Variants in ADAM17 observed in about 807,000 individuals in gnomAD.
ADAM17 encodes ADAM metallopeptidase domain 17.
Under a neutral mutation model 96.7 loss-of-function variants are expected in ADAM17, and 39 were observed. The observed-to-expected ratio is 0.40, with a 90% confidence interval of 0.31 to 0.53. ADAM17 has a LOEUF of 0.53. ADAM17 is among the 20% of genes least tolerant of loss of function. ADAM17 has a pLI of 0.44. For synonymous variants in ADAM17, 344 were observed against 359.2 expected (o/e 0.96, Z 0.48); for missense variants, 777 against 1,013.2 (o/e 0.77, Z 3.17).
chr2:9,531,050 C>T (rs1664718142), intron 4 of ADAM17, among the ~76,000 whole-genome samples: 1 of 152,106 alleles, frequency 6.6e-6, no homozygotes, highest in African/African-American at 2.4e-5. Flanking sequence ...CTCTGTCTCC[C>T]AGGTTCAAGC....
At chr2:9,501,455 T>C (rs546214344) in intron 13 of ADAM17, among the ~76,000 whole-genome samples, 56 of 152,268 alleles carry the variant, frequency 3.7e-4, no homozygotes, top group African/African-American at 1.3e-3. Context: ...CACAGGTTCC[T>C]GAAGGGACGT....
chr2:9,505,475 G>C (rs750015057), intron 11 of ADAM17, 110 bp from the exon 12 acceptor site: 15 of 1,146,966 alleles, frequency 1.3e-5, no homozygotes, highest in Non-Finnish European at 7.5e-6. Context: ...ACCACCATCA[G>C]AGCCACCCTG....
Position 9,488,594 on chromosome 2 carries a change from TCA to T in ADAM17, c.*1581_*1582del. On this transcript the variant is annotated 3_prime_UTR_variant, in exon 19 of 19. Transcript: ENST00000310823. ...TGACAAAGACTATGTTTTTAAAAAG[TCA>T]CAATTTTATAAAAATGGTTTTTCTT... 1 of 289,370 alleles carries T rather than the reference TCA, an allele frequency of 3.5e-6. No individual in the cohort carries two copies. Among genetic ancestry groups the T allele is most frequent in the African/African-American group, 2.2e-5 (1 of 46,138 alleles). 17.9% of individuals were successfully genotyped at this position (289,370 alleles called of 1,614,324 possible). A position where few individuals can be genotyped will look rare whatever the true frequency, so the allele number is the denominator to read the frequency against.
chr2:9,499,266 TTG>T (rs1380846618), intron 13 of ADAM17, among the ~76,000 whole-genome samples: 5 of 152,288 alleles, frequency 3.3e-5, no homozygotes, highest in Admixed American at 3.3e-4. Context: ...CGTTTTCAAA[TTG>T]TTTTACTTAC....
intron 13 of ADAM17, among the ~76,000 whole-genome samples, chr2:9,501,617 A>G (rs1663010818): frequency 1.3e-5 from 2 of 152,224 alleles, no homozygotes; most frequent in South Asian, 2.1e-4. Flanking sequence ...ATAGATACAT[A>G]TAGAAAAACT....
intron 6 of ADAM17, 37 bp downstream of exon 6, chr2:9,526,074 T>C (rs1334913406): frequency 4.5e-6 from 7 of 1,559,828 alleles, no homozygotes; most frequent in Admixed American, 1.9e-5. Context: ...CACCCAAATT[T>C]TTTTTTCAAT....
rs960956024 is a variant in ADAM17 at position 9,535,716 on chromosome 2, A to T, written c.450+118T>A. 7 of 564,548 alleles carry T rather than the reference A, an allele frequency of 1.2e-5. No homozygotes were observed. The African/African-American group carries it at 1.4e-4, about 11-fold the overall frequency. 35.0% of individuals were successfully genotyped at this position (564,548 alleles called of 1,614,324 possible). A position where few individuals can be genotyped will look rare whatever the true frequency, so the allele number is the denominator to read the frequency against. On this transcript the variant is annotated intron_variant, in intron 4 of 18. Coordinates refer to ENST00000310823, the MANE Select transcript of ADAM17 (RefSeq NM_003183.6). ...AAAAAGTCTACTTTCCTAGTAAAAA[A>T]CTTCAAATACGAAGAGGAAAGAAAT...
At chr2:9,503,107 T>C (rs1235437351) in intron 12 of ADAM17, among the ~76,000 whole-genome samples, 1 of 130,458 alleles carries the variant, frequency 7.7e-6, no homozygotes, top group Admixed American at 8.8e-5. Flanking sequence ...GCCACTGCAC[T>C]CCAGCCTGGT....
At chr2:9,524,541 C>T (rs1331639565) in intron 6 of ADAM17, among the ~76,000 whole-genome samples, 2 of 152,080 alleles carry the variant, frequency 1.3e-5, no homozygotes, top group Admixed American at 6.6e-5. Flanking sequence ...TGCTTCTAAC[C>T]ACACCCCCGC....
intron 2 of ADAM17, among the ~76,000 whole-genome samples, chr2:9,541,825 G>A (rs760977131): frequency 1.3e-5 from 2 of 150,476 alleles, no homozygotes; most frequent in Non-Finnish European, 3.0e-5. Context: ...GATCACTTGA[G>A]GTGAGGAGTT....
chr2:9,495,408 A>C (rs531376000), intron 14 of ADAM17, among the ~76,000 whole-genome samples: 1 of 152,368 alleles, frequency 6.6e-6, no homozygotes, highest in Admixed American at 6.5e-5. Context: ...AAAAACAAGC[A>C]AAAAGAAAAC....
intron 2 of ADAM17, among the ~76,000 whole-genome samples, chr2:9,540,908 A>G (rs1665181211): frequency 6.6e-6 from 1 of 152,248 alleles, no homozygotes; most frequent in Non-Finnish European, 1.5e-5. Context: ...CAAAGATAAC[A>G]GGAAACAGGT....
At chr2:9,540,936 C>T (rs1665182363) in intron 2 of ADAM17, among the ~76,000 whole-genome samples, 1 of 152,146 alleles carries the variant, frequency 6.6e-6, no homozygotes, top group South Asian at 2.1e-4. Flanking sequence ...TATATTGCTG[C>T]TGGAAGAATA....
chr2:9,506,339 T>C (rs1386148170), intron 11 of ADAM17, among the ~76,000 whole-genome samples: 2 of 148,816 alleles, frequency 1.3e-5, no homozygotes, highest in African/African-American at 5.0e-5. Context: ...ACTGGCTTTT[T>C]AAAAAACATC....
chr2:9,544,808 G>A (rs1342889157), intron 1 of ADAM17, among the ~76,000 whole-genome samples: 3 of 151,918 alleles, frequency 2.0e-5, no homozygotes. Context: ...CCTGGCGACA[G>A]AGCAAGACTC....
At chr2:9,541,809 A>G (rs1257464066) in intron 2 of ADAM17, among the ~76,000 whole-genome samples, 1 of 151,864 alleles carries the variant, frequency 6.6e-6, no homozygotes, top group Non-Finnish European at 1.5e-5. Flanking sequence ...GGAGGCCGAG[A>G]TCGTGGATCA....
rs745623517 is a variant in ADAM17 at position 9,526,261 on chromosome 2, T to C, written c.620-17A>G. On this transcript the variant is annotated splice_polypyrimidine_tract_variant and intron_variant, in intron 5 of 18. Coordinates refer to ENST00000310823, the MANE Select transcript of ADAM17 (RefSeq NM_003183.6). ...GAACAAGCTCTAATATGAATTTGTATGCACTATTAAATCAAAATTCACCAA... is the reference window on the plus strand; with the variant it reads ...GAACAAGCTCTAATATGAATTTGTACGCACTATTAAATCAAAATTCACCAA... The C allele has an allele frequency of 1.9e-6, 3 of 1,607,498 alleles. No individual in the cohort carries two copies. The highest frequency in any genetic ancestry group is 1.1e-5 in the South Asian group (1 of 89,458).
At chr2:9,512,289 TTTTG>T (rs1663788987) in intron 10 of ADAM17, 1 of 152,084 alleles carries the variant, frequency 6.6e-6, no homozygotes, top group Admixed American at 6.6e-5. Flanking sequence ...TCAAATCAAA[TTTTG>T]TTTTTTTGCT....
At chr2:9,512,744 T>C (rs1248578798) in intron 10 of ADAM17, among the ~76,000 whole-genome samples, 1 of 152,152 alleles carries the variant, frequency 6.6e-6, no homozygotes, top group African/African-American at 2.4e-5. Context: ...AACATACCCA[T>C]TTTGTCCAAT....
Sources: allele counts gnomAD v4.1 joint callset (sites outside exome capture counted in the v4.1 genomes callset), GRCh38; gene constraint gnomAD v4.1.1; transcripts MANE v1.5; gene names NCBI Gene and HGNC (gene_info 2026-07-23, HGNC 2026-07-21).